The following SPAG16 variants were observed in gnomAD, a reference collection of about 807,000 sequenced individuals.
The protein encoded by SPAG16 is sperm associated antigen 16, also known as sperm-associated antigen 16 protein.
A neutral mutation model predicts 80.4 loss-of-function variants in SPAG16; 86 were observed. The ratio of observed to expected loss-of-function variants is 1.07; its 90% CI spans 0.90 to 1.28. The LOEUF (loss-of-function observed/expected upper bound fraction) is 1.28, where lower values mean the gene tolerates loss of function less well. SPAG16 is among the 50% of genes most tolerant of loss of function. SPAG16 has a pLI of 0.00. For synonymous variants in SPAG16, 294 were observed against 265.9 expected (o/e 1.11, Z -1.03); for missense variants, 870 against 765.3 (o/e 1.14, Z -1.61).
At chr2:214,084,435 T>C (rs1264638457) in intron 13 of SPAG16, among the ~76,000 whole-genome samples, 1 of 152,178 alleles carries the variant, frequency 6.6e-6, no homozygotes, top group Non-Finnish European at 1.5e-5. Context: ...TCTCACACCT[T>C]ACAACATGAA....
intron 10 of SPAG16, among the ~76,000 whole-genome samples, chr2:213,522,482 G>A (rs1056035678): frequency 2.6e-5 from 4 of 152,210 alleles, no homozygotes; most frequent in Non-Finnish European, 5.9e-5. Context: ...AGGCAATCCA[G>A]TGGGGTTATG....
intron 10 of SPAG16, among the ~76,000 whole-genome samples, chr2:213,666,558 A>G (rs2063610785): frequency 6.6e-6 from 1 of 152,144 alleles, no homozygotes; most frequent in South Asian, 2.1e-4. Context: ...TTCATTTTTC[A>G]TTTACTGGAC....
At chr2:214,015,806 A>G (rs114370182) in intron 13 of SPAG16, among the ~76,000 whole-genome samples, 198 of 152,148 alleles carry the variant, frequency 1.3e-3, no homozygotes, top group African/African-American at 4.3e-3. Context: ...AGGGCCTTAG[A>G]ATTTTGCTTT....
chr2:213,728,358 C>T (rs1002679261), intron 10 of SPAG16, among the ~76,000 whole-genome samples: 3 of 151,986 alleles, frequency 2.0e-5, no homozygotes, highest in African/African-American at 4.8e-5. Flanking sequence ...GGAAGAGAAA[C>T]GAAAAGCACT....
chr2:213,990,802 T>C (rs550977935), intron 12 of SPAG16, among the ~76,000 whole-genome samples: 89 of 152,156 alleles, frequency 5.8e-4, no homozygotes, highest in African/African-American at 2.1e-3. Flanking sequence ...CCAGTGTATG[T>C]TTGCTCAATA....
intron 10 of SPAG16, among the ~76,000 whole-genome samples, chr2:213,595,915 T>G (rs2060872236): frequency 2.0e-5 from 3 of 152,200 alleles, no homozygotes; most frequent in Admixed American, 6.5e-5. Context: ...TGTACTTTGA[T>G]CACCATTGTA....
intron 14 of SPAG16, among the ~76,000 whole-genome samples, chr2:214,131,380 A>C (rs1375689292): frequency 6.6e-6 from 1 of 152,068 alleles, no homozygotes; most frequent in Non-Finnish European, 1.5e-5. Context: ...AAAATTAAAA[A>C]AAAAAAAAAA....
At position 213,295,206 on chromosome 2, in the gene SPAG16, C is replaced by T. The variant is rs148090453; in HGVS notation, c.137-858C>T. Among the ~76,000 whole-genome samples the T allele has an allele frequency of 1.8e-4, 27 of 151,944 alleles. No homozygotes were observed. In the East Asian group the frequency reaches 2.3e-3, roughly 13 times the overall value. ...TCACACATTTTAAACTTGGCATAAC[C>T]GAGTCAGTGTAATCGAAAAAAATGT... is the stretch of plus-strand genomic sequence containing the variant. On this transcript the variant is annotated intron_variant, in intron 1 of 15. Coordinates refer to ENST00000331683, the MANE Select transcript of SPAG16 (RefSeq NM_024532.5).
intron 9 of SPAG16, among the ~76,000 whole-genome samples, chr2:213,449,697 A>T (rs775162494): frequency 3.9e-5 from 6 of 152,198 alleles, no homozygotes; most frequent in African/African-American, 9.7e-5. Flanking sequence ...ACTAGGTGCA[A>T]TATCTAGGTA....
intron 12 of SPAG16, among the ~76,000 whole-genome samples, chr2:213,949,179 T>TTTTTTTTTTTTTTTTTTTTTGTTTG (rs1553677674): frequency 5.5e-5 from 2 of 36,244 alleles, no homozygotes; most frequent in Non-Finnish European, 5.5e-5. Context: ...GTTTTTTTTT[T>TTTTTTTTTTTTTTTTTTTTTGTTTG]TTTTTTTTTT....
intron 1 of SPAG16, chr2:213,286,023 A>G: frequency 2.7e-6 from 2 of 737,466 alleles, no homozygotes; most frequent in Non-Finnish European, 4.1e-6. Flanking sequence ...TTTTGCAAAC[A>G]TCTTTGTGAA....
intron 10 of SPAG16, among the ~76,000 whole-genome samples, chr2:213,680,413 A>G (rs1036690713): frequency 4.6e-5 from 7 of 151,004 alleles, no homozygotes; most frequent in African/African-American, 1.7e-4. Context: ...CTTACGAGGA[A>G]CAAATACCTT....
At chr2:213,620,513 C>T (rs1158073319) in intron 10 of SPAG16, among the ~76,000 whole-genome samples, 4 of 151,898 alleles carry the variant, frequency 2.6e-5, no homozygotes, top group South Asian at 2.1e-4. Flanking sequence ...AGGATGGTCT[C>T]GATCTCTTGA....
intron 9 of SPAG16, among the ~76,000 whole-genome samples, chr2:213,420,408 C>A (rs547805791): frequency 6.6e-6 from 1 of 152,156 alleles, no homozygotes; most frequent in Admixed American, 6.5e-5. Context: ...AAAAAGAGAA[C>A]AGAAGAAAAT....
At chr2:213,499,301 C>T (rs1177694785) in intron 10 of SPAG16, among the ~76,000 whole-genome samples, 1 of 152,040 alleles carries the variant, frequency 6.6e-6, no homozygotes, top group African/African-American at 2.4e-5. Context: ...AGGTACATAA[C>T]ATAGAAAATG....
chr2:214,206,132 T>G (rs184435357), intron 15 of SPAG16, among the ~76,000 whole-genome samples: 29 of 151,940 alleles, frequency 1.9e-4, no homozygotes, highest in African/African-American at 7.0e-4. Flanking sequence ...GGAGGCGGAG[T>G]TTGCAGTGAG....
chr2:214,363,279 C>T (rs932676095), intron 15 of SPAG16, among the ~76,000 whole-genome samples: 3 of 151,936 alleles, frequency 2.0e-5, no homozygotes, highest in African/African-American at 7.2e-5. Flanking sequence ...CCCCTGCTAT[C>T]ATCCTCAAAA....
At chr2:214,247,573 C>T (rs935871270) in intron 15 of SPAG16, among the ~76,000 whole-genome samples, 10 of 152,144 alleles carry the variant, frequency 6.6e-5, no homozygotes, top group Non-Finnish European at 1.5e-5. Flanking sequence ...TAGTTATATA[C>T]TTTGGTTAAG....
chr2:213,400,995 G>A (rs1173520701), intron 9 of SPAG16, among the ~76,000 whole-genome samples: 2 of 151,986 alleles, frequency 1.3e-5, no homozygotes, highest in Non-Finnish European at 2.9e-5. Context: ...TTTTTGTCAA[G>A]ATAGAGTTTT....
Sources: allele counts gnomAD v4.1 joint callset (sites outside exome capture counted in the v4.1 genomes callset), GRCh38; gene constraint gnomAD v4.1.1; transcripts MANE v1.5; gene names NCBI Gene and HGNC (gene_info 2026-07-23, HGNC 2026-07-21).